FA2H: variants seen among roughly 807,000 people sequenced by gnomAD.
FA2H encodes fatty acid 2-hydroxylase, also known as fatty acid alpha-hydroxylase.
FA2H carries 22 observed loss-of-function variants against 44.9 expected under a neutral mutation model. That is an observed-to-expected ratio of 0.49 (90% CI 0.35 to 0.70). The LOEUF is 0.70. Ranked by LOEUF, FA2H falls within the 30% of genes least tolerant of loss-of-function variation. The probability of loss-of-function intolerance (pLI) is 0.01; values close to 1 mark genes in which losing one functional copy is unlikely to be tolerated. For missense variants in FA2H, 501 were observed against 504.9 expected, an observed-to-expected ratio of 0.99 and a Z score of 0.07; for synonymous variants, 243 against 213.2, an observed-to-expected ratio of 1.14 and a Z score of -1.22.
At chr16:74,765,005 G>T (rs1312963037) in intron 1 of FA2H, among the ~76,000 whole-genome samples, 1 of 152,162 alleles carries the variant, frequency 6.6e-6, no homozygotes, top group East Asian at 1.9e-4. Flanking sequence ...CGGGTAGACT[G>T]TAAGAGCCTG....
At chr16:74,715,839 A>G (rs1961682144) in intron 6 of FA2H, among the ~76,000 whole-genome samples, 1 of 146,766 alleles carries the variant, frequency 6.8e-6, no homozygotes, top group South Asian at 2.1e-4. Flanking sequence ...TTTTATAGAC[A>G]GAGCCTTGCT....
intron 1 of FA2H, among the ~76,000 whole-genome samples, chr16:74,741,738 G>C (rs1238107408): frequency 1.4e-5 from 2 of 140,562 alleles, no homozygotes; most frequent in African/African-American, 5.4e-5. Flanking sequence ...TCGGATTACA[G>C]GTGTGAGCCA....
intron 2 of FA2H, among the ~76,000 whole-genome samples, chr16:74,738,094 C>T (rs968021757): frequency 9.2e-5 from 14 of 152,248 alleles, no homozygotes; most frequent in Non-Finnish European, 4.4e-5. Flanking sequence ...GGTTCCCATG[C>T]ACACCCGGGC....
intron 2 of FA2H, among the ~76,000 whole-genome samples, chr16:74,735,822 A>C (rs1319944486): frequency 6.6e-6 from 1 of 152,132 alleles, no homozygotes; most frequent in Non-Finnish European, 1.5e-5. Flanking sequence ...TCTACAAAAA[A>C]ATTTAAGAAA....
At chr16:74,725,977 T>A (rs1376556431) in intron 4 of FA2H, 1 of 481,860 alleles carries the variant, frequency 2.1e-6, no homozygotes, top group Admixed American at 3.3e-5. Flanking sequence ...CTTTTTTTAT[T>A]GCTATGCCAC....
rs71378704 is a variant in FA2H at position 74,740,620 on chromosome 16, AAATAATAATAATAATAATAAT to A, written c.271-526_271-506del. ...GACGACAGAGCAAGACTCCATCTCAAAATAATAATAATAATAATAATAATAATAATAATAATAATAATAATA... is the reference window on the plus strand; with the variant it reads ...GACGACAGAGCAAGACTCCATCTCAAAATAATAATAATAATAATAATAATA... On this transcript the variant is annotated intron_variant, in intron 1 of 6. Coordinates refer to ENST00000219368, the MANE Select transcript of FA2H (RefSeq NM_024306.5). Among the ~76,000 whole-genome samples the A allele has an allele frequency of 2.4e-3, 328 of 135,374 alleles. 6 individuals are homozygous for A. Among genetic ancestry groups the A allele is most frequent in the African/African-American group, 4.4e-3 (160 of 36,200 alleles). The allele number at this position is 135,374 out of a possible 152,430, so 88.8% of individuals were successfully genotyped here.
chr16:74,718,618 C>G (rs1567633523), intron 5 of FA2H, among the ~76,000 whole-genome samples: 2 of 152,312 alleles, frequency 1.3e-5, no homozygotes, highest in East Asian at 3.9e-4. Context: ...GCACAAGCTC[C>G]AGGAGCGCAA....
At chr16:74,755,041 A>G (rs1052405835) in intron 1 of FA2H, among the ~76,000 whole-genome samples, 4 of 152,232 alleles carry the variant, frequency 2.6e-5, no homozygotes, top group African/African-American at 9.6e-5. Flanking sequence ...CAGCCCCCCT[A>G]GAAGCCCGGA....
chr16:74,774,460 G>C, intron 1 of FA2H, 26 bp downstream of exon 1: 1 of 1,500,172 alleles, frequency 6.7e-7, no homozygotes, highest in Non-Finnish European at 8.8e-7. Flanking sequence ...CCTGGGTTGG[G>C]GTGGGGGGCC....
chr16:74,750,893 T>C (rs1023226439), intron 1 of FA2H, among the ~76,000 whole-genome samples: 2 of 151,952 alleles, frequency 1.3e-5, no homozygotes, highest in African/African-American at 4.8e-5. Context: ...GCAATCCTTC[T>C]ACCTCAGCCT....
chr16:74,726,870 G>A (rs879689197), intron 3 of FA2H, among the ~76,000 whole-genome samples: 1 of 152,204 alleles, frequency 6.6e-6, no homozygotes, highest in Admixed American at 6.5e-5. Context: ...GTTACTGGCA[G>A]AAAAGAACTG....
chr16:74,764,520 G>T (rs1962770658), intron 1 of FA2H, among the ~76,000 whole-genome samples: 1 of 152,104 alleles, frequency 6.6e-6, no homozygotes, highest in South Asian at 2.1e-4. Flanking sequence ...TAAATGATGA[G>T]AATTTATGGA....
intron 1 of FA2H, among the ~76,000 whole-genome samples, 165 bp downstream of exon 1, chr16:74,774,321 G>A (rs1471070715): frequency 1.3e-5 from 2 of 152,078 alleles, no homozygotes; most frequent in Non-Finnish European, 2.9e-5. Context: ...GGTTGGAGGG[G>A]ACGACAGTGA....
intron 5 of FA2H, 22 bp from the exon 6 acceptor site, chr16:74,716,621 C>A: frequency 1.3e-6 from 2 of 1,534,590 alleles, no homozygotes; most frequent in Non-Finnish European, 8.8e-7. Flanking sequence ...GAGGCTTGGG[C>A]ATCAGGAGGC....
intron 1 of FA2H, among the ~76,000 whole-genome samples, chr16:74,755,800 G>C (rs1045187590): frequency 6.6e-6 from 1 of 152,092 alleles, no homozygotes; most frequent in African/African-American, 2.4e-5. Context: ...GAGGTCACCT[G>C]CTTAGGAGTG....
chr16:74,714,298 T>C (rs1311999645), intron 6 of FA2H, 29 bp from the exon 7 acceptor site: 3 of 1,446,436 alleles, frequency 2.1e-6, no homozygotes, highest in African/African-American at 1.4e-5. Flanking sequence ...GGGGAGAAGA[T>C]GAGGCATTGA....
intron 4 of FA2H, 144 bp downstream of exon 4, chr16:74,726,081 A>G (rs1961947277): frequency 3.0e-6 from 2 of 665,680 alleles, no homozygotes; most frequent in Admixed American, 2.2e-5. Context: ...TCTTTGGAAG[A>G]CTATTTCTAC....
At chr16:74,757,537 G>A (rs139026505) in intron 1 of FA2H, among the ~76,000 whole-genome samples, 2 of 152,302 alleles carry the variant, frequency 1.3e-5, no homozygotes, top group African/African-American at 4.8e-5. Flanking sequence ...GATTGTGTAA[G>A]AATGCTTCTT....
At chr16:74,750,761 C>CTGTGTGTGTGTG (rs55799456) in intron 1 of FA2H, among the ~76,000 whole-genome samples, 9,480 of 141,546 alleles carry the variant, frequency 0.067, 328 homozygotes, top group African/African-American at 0.074. Flanking sequence ...TTTTTTTTCA[C>CTGTGTGTGTGTG]TGTGTGTGTG....
Sources: gnomAD v4.1 joint callset for allele counts (sites outside exome capture counted in the v4.1 genomes callset) on GRCh38, gnomAD v4.1.1 for gene constraint, MANE v1.5 for transcripts, NCBI Gene and HGNC (gene_info 2026-07-23, HGNC 2026-07-21) for gene names.